FBN3: variants seen among roughly 807,000 people sequenced by gnomAD.
FBN3 encodes the protein fibrillin 3.
A neutral mutation model predicts 330.1 loss-of-function variants in FBN3; 234 were observed. The ratio of observed to expected loss-of-function variants is 0.71; its 90% confidence interval spans 0.64 to 0.79. The LOEUF is 0.79. Among genes scored for constraint, FBN3 ranks in the 30% least tolerant of loss-of-function variants. The pLI, the probability that FBN3 is intolerant of heterozygous loss-of-function variation, is 0.00. For missense variants in FBN3, 3,606 were observed against 3,886.9 expected, an observed-to-expected ratio of 0.93 and a Z score of 1.92; for synonymous variants, 1,458 against 1,517.3, an observed-to-expected ratio of 0.96 and a Z score of 0.91.
chr19:8,086,266 C>A lies in FBN3; in HGVS notation c.6814G>T (p.Ala2272Ser), dbSNP rs745613890. Residue 2272 changes from alanine (A) to serine (S), a missense_variant, in exon 55 of 64, where the codon GCG (alanine) becomes TCG (serine). Ala to Ser is a moderately conservative substitution (Grantham distance 99). Transcript: ENST00000600128. ...LCVNGRCVNT[A>S]GSFRCDCDEG... The stretch of plus-strand genomic sequence containing the variant: ...TCACAGTCGCACCGGAAGCTGCCCG[C>A]GGTGTTGACACAGCGGCCGTTGACA... The A allele has an allele frequency of 6.2e-7, 1 of 1,610,954 alleles. No homozygotes were observed.
chr19:8,136,353 A>G (rs748008398), intron 11 of FBN3, 35 bp downstream of exon 11: 6 of 1,605,336 alleles, frequency 3.7e-6, no homozygotes, highest in Non-Finnish European at 5.1e-6. Context: ...CAGGGCAGTG[A>G]GAACCGCCCC....
rs368000424 is a variant in FBN3, at chr19:8,131,851, G to A, written c.1715-22C>T. The A allele has an allele frequency of 5.1e-5, 80 of 1,559,054 alleles. No individual in the cohort carries two copies. Among genetic ancestry groups the A allele is most frequent in the Non-Finnish European group, 6.9e-5 (79 of 1,148,106 alleles). On this transcript the variant is annotated intron_variant, in intron 14 of 63. Coordinates refer to ENST00000600128, the MANE Select transcript of FBN3 (RefSeq NM_032447.5). The surrounding 1 kb of genome is among the most constrained non-coding windows in gnomAD (Gnocchi z 4.5). The stretch of plus-strand genomic sequence containing the variant: ...ATGTCTGCAGAAGCAGTGGCGGCAC[G>A]GGGATGGGTTCCAGCGTGCTCCCTT...
chr19:8,129,487 G>A lies in FBN3; in HGVS notation c.2045-122C>T, dbSNP rs117045599. 794 of 1,270,724 alleles carry A rather than the reference G, an allele frequency of 6.2e-4. 1 individual carries two copies. Among genetic ancestry groups the A allele is most frequent in the Non-Finnish European group, 8.1e-4 (744 of 914,520 alleles). The allele number at this position is 1,270,724 out of a possible 1,614,324, so 78.7% of individuals were successfully genotyped here. Reference sequence around the variant, plus strand: ...CAGATTCCCCAAGGCCATAGCTCCAGCCCAGACCCGGCCTCATTCTGCTCT... The same window carrying A: ...CAGATTCCCCAAGGCCATAGCTCCAACCCAGACCCGGCCTCATTCTGCTCT... On this transcript the variant is annotated intron_variant, in intron 16 of 63. Coordinates refer to ENST00000600128, the MANE Select transcript of FBN3 (RefSeq NM_032447.5). The surrounding 1 kb of genome is among the most constrained non-coding windows in gnomAD (Gnocchi z 4.5).
rs1256007749 is a variant in FBN3, at chr19:8,141,923, C to T, written c.739+17G>A. 5 of 1,614,104 alleles carry T rather than the reference C, an allele frequency of 3.1e-6. No individual in the cohort carries two copies. The highest frequency in any genetic ancestry group is 1.1e-5 in the South Asian group (1 of 91,082). Reference sequence around the variant, plus strand: ...GGCAGCTAAGGCCTCCCACTCAGCCCTGACCCCACTATTCACCTTGGCAGG... The same window carrying T: ...GGCAGCTAAGGCCTCCCACTCAGCCTTGACCCCACTATTCACCTTGGCAGG... On this transcript the variant is annotated intron_variant, in intron 7 of 63. Coordinates refer to ENST00000600128, the MANE Select transcript of FBN3 (RefSeq NM_032447.5).
rs768820883 is a variant in FBN3 at position 8,131,319 on chromosome 19, C to G, written c.1991-31G>C. 1 of 1,608,540 alleles carries G rather than the reference C, an allele frequency of 6.2e-7. No individual in the cohort carries two copies. The highest frequency in any genetic ancestry group is 1.1e-5 in the South Asian group (1 of 89,760). On this transcript the variant is annotated intron_variant, in intron 15 of 63. Transcript: ENST00000600128. This position sits in a 1 kb window ranked among gnomAD's most constrained non-coding sequence, Gnocchi z 4.5. The stretch of plus-strand genomic sequence containing the variant: ...GATGGAGGGACAGAGTGAGACGGGT[C>G]AGGGAGCTTAGCCATGGCTCGGATT...
In FBN3 at chr19:8,136,496, G is replaced by C. The variant is rs376132417; in HGVS notation, c.1237C>G (p.Arg413Gly). 2.7e-5 allele frequency: 43 copies of C among 1,614,020 alleles called. No individual in the cohort carries two copies. Among genetic ancestry groups the C allele is most frequent in the Non-Finnish European group, 3.6e-5 (42 of 1,180,016 alleles). The change falls in exon 11 of 64, where the codon CGA (arginine) becomes GGA (glycine). Residue 413 changes from arginine (R) to glycine (G), a missense_variant. Physicochemically the swap from Arg to Gly is moderately radical, Grantham distance 125 (BLOSUM62 -2). Transcript: ENST00000600128. Reference protein sequence around the residue: ...ATLNQTIDICRHFTNLCLNGR... With the variant: ...ATLNQTIDICGHFTNLCLNGR... ...TTCAGACACAGGTTGGTGAAGTGTC[G>C]GCAGATGTCAATGGTCTGGTTCAGG...
At chr19:8,082,343 CTTTT>C (rs541368952) in intron 57 of FBN3, among the ~76,000 whole-genome samples, 16 of 139,550 alleles carry the variant, frequency 1.1e-4, no homozygotes, top group South Asian at 8.7e-4. Context: ...CTTTCTCTTT[CTTTT>C]TGTCTCTCTC....
rs761703495 is a variant in FBN3, at chr19:8,087,863, G to C, written c.6581C>G (p.Ala2194Gly). The C allele has an allele frequency of 6.2e-7, 1 of 1,614,100 alleles. No individual in the cohort carries two copies. Among genetic ancestry groups the C allele is most frequent in the African/African-American group, 1.3e-5 (1 of 75,024 alleles). The change falls in exon 53 of 64, where the codon GCC (alanine) becomes GGC (glycine). Residue 2194 changes from alanine to glycine, a missense_variant. By Grantham distance (60) the Ala-to-Gly change is moderately conservative (BLOSUM62 0). Coordinates refer to ENST00000600128, the MANE Select transcript of FBN3 (RefSeq NM_032447.5). Reference sequence around the variant, plus strand: ...CCCATCCTCCCGCAGGGTGTAGCCGGCTGGACAGGTGCACAGGTAGGAGCC... The same window carrying C: ...CCCATCCTCCCGCAGGGTGTAGCCGCCTGGACAGGTGCACAGGTAGGAGCC... ...TEGSYLCTCP[A>G]GYTLREDGAM...
intron 22 of FBN3, 96 bp from the exon 23 acceptor site, chr19:8,124,104 C>T (rs2082921534): frequency 9.1e-7 from 1 of 1,095,902 alleles, no homozygotes; most frequent in African/African-American, 1.6e-5. Context: ...GAAACTTTCT[C>T]CCGGACGTAG....
chr19:8,141,194 C>CAAA (rs56060033), intron 8 of FBN3, among the ~76,000 whole-genome samples: 5,169 of 54,290 alleles, frequency 0.095, 251 homozygotes, highest in East Asian at 0.15. Flanking sequence ...GACTCCGTCT[C>CAAA]AAAAAAAAAA....
intron 6 of FBN3, among the ~76,000 whole-genome samples, chr19:8,143,655 A>AT (rs567388949): frequency 1.3e-5 from 2 of 150,926 alleles, no homozygotes; most frequent in Non-Finnish European, 3.0e-5. Context: ...ACCCAGTTAC[A>AT]TTTTTTTGTG....
rs201248488 is a variant in FBN3, at chr19:8,081,096, G to T, written c.7360C>A (p.Gln2454Lys). Reference sequence around the variant, plus strand: ...ACACAGAGGAACTGACAGTTGTGCTGCCGGGAGGTGCATTCGTCCAGGTCT... The same window carrying T: ...ACACAGAGGAACTGACAGTTGTGCTTCCGGGAGGTGCATTCGTCCAGGTCT... ...CKDLDECTSR[Q>K]HNCQFLCVNT... The change falls in exon 59 of 64, where the codon CAG (glutamine) becomes AAG (lysine). Residue 2454 changes from glutamine to lysine, a missense_variant. Transcript: ENST00000600128. The T allele has an allele frequency of 2.3e-5, 37 of 1,613,758 alleles. No individual in the cohort carries two copies. The highest frequency in any genetic ancestry group is 1.8e-4 in the Admixed American group (11 of 60,018).
At position 8,096,987 on chromosome 19, in the gene FBN3, G is replaced by A. The variant is rs763390538; in HGVS notation, c.5307C>T (p.Ser1769=). Residue 1769 remains serine (S), a synonymous_variant, in exon 43 of 64, where the codon AGC becomes AGT. Coordinates refer to ENST00000600128, the MANE Select transcript of FBN3 (RefSeq NM_032447.5). This position sits in a 1 kb window ranked among gnomAD's most constrained non-coding sequence, Gnocchi z 4.6. ...LACEDVDECG[S]RESPCQQNAD... ...CATTCTGCTGGCAGGGACTCTCCCT[G>A]CTGCCACACTCATCGACATCTGGGA... The A allele has an allele frequency of 5.6e-6, 9 of 1,613,442 alleles. No individual in the cohort carries two copies. In the East Asian group the frequency reaches 2.0e-4, roughly 36 times the overall value.
At chr19:8,147,523 C>T (rs2083580182) in intron 1 of FBN3, 26 bp from the exon 2 acceptor site, 2 of 1,421,458 alleles carry the variant, frequency 1.4e-6, no homozygotes, top group Non-Finnish European at 9.2e-7. Context: ...AGAGTCAGCC[C>T]TAGATGAGCC....
rs2082137812 is a variant in FBN3, at chr19:8,093,331, T to G, written c.5905+1115A>C. On this transcript the variant is annotated intron_variant, in intron 47 of 63. Transcript: ENST00000600128. ...GGTGAAACCCCGTTTCTACTAAAAATACAAAAATTGGGCCTGGCGCAATGG... is the reference window on the plus strand; with the variant it reads ...GGTGAAACCCCGTTTCTACTAAAAAGACAAAAATTGGGCCTGGCGCAATGG... Among the ~76,000 whole-genome samples, 4 of 151,766 alleles carry G rather than the reference T, an allele frequency of 2.6e-5. No homozygotes were observed. In the South Asian group the frequency reaches 8.3e-4, roughly 32 times the overall value.
intron 46 of FBN3, among the ~76,000 whole-genome samples, chr19:8,095,017 G>A (rs926556636): frequency 2.0e-5 from 3 of 152,030 alleles, no homozygotes; most frequent in African/African-American, 7.2e-5. Flanking sequence ...CTGTTGCCCA[G>A]GCTGGATGCG....
At chr19:8,110,720 C>T (rs2082559129) in intron 34 of FBN3, 125 bp downstream of exon 34, 11 of 1,302,976 alleles carry the variant, frequency 8.4e-6, no homozygotes, top group Non-Finnish European at 1.1e-5. Flanking sequence ...GCGCCCCCCA[C>T]CCCCCAGCAA....
chr19:8,102,946 A>G (rs12986396), intron 39 of FBN3, 73 bp from the exon 40 acceptor site: 1,218,507 of 1,471,508 alleles, frequency 0.83, 514,454 homozygotes, highest in Non-Finnish European at 0.87. Flanking sequence ...CCAAAGAGAT[A>G]GGAACTCCTT....
rs773743456 is a variant in FBN3 at position 8,094,437 on chromosome 19, G to T, written c.5905+9C>A. The stretch of plus-strand genomic sequence containing the variant: ...GGCGCCAGAAACGGGAGTGGGGCTG[G>T]ACACTCACCAATGCAGTGGTCACTC... On this transcript the variant is annotated intron_variant, in intron 47 of 63. Transcript: ENST00000600128. The T allele has an allele frequency of 8.7e-6, 14 of 1,607,568 alleles. No individual in the cohort carries two copies. Among genetic ancestry groups the T allele is most frequent in the Non-Finnish European group, 1.2e-5 (14 of 1,175,698 alleles).
Sources: allele counts gnomAD v4.1 joint callset (sites outside exome capture counted in the v4.1 genomes callset), GRCh38; gene constraint gnomAD v4.1.1; non-coding constraint Gnocchi (gnomAD v3.1); transcripts MANE v1.5; gene names NCBI Gene and HGNC (gene_info 2026-07-23, HGNC 2026-07-21).